Variants in DAB1 observed in about 807,000 individuals in gnomAD.
DAB1 encodes DAB adaptor protein 1, also known as disabled homolog 1.
DAB1 carries 15 observed loss-of-function variants against 64.6 expected under a neutral mutation model. The observed-to-expected ratio is 0.23, with a 90% CI of 0.16 to 0.36. The LOEUF is 0.36. Ranked by LOEUF, DAB1 falls within the 10% of genes least tolerant of loss-of-function variation. The pLI is 1.00. For synonymous variants in DAB1, 235 were observed against 251.9 expected (o/e 0.93, Z 0.64); for missense variants, 596 against 706.7 (o/e 0.84, Z 1.78).
chr1:57,179,282 C>T (rs1489362109), intron 2 of DAB1, among the ~76,000 whole-genome samples: 2 of 152,154 alleles, frequency 1.3e-5, no homozygotes, highest in African/African-American at 4.8e-5. Context: ...TCTGGCACAG[C>T]AGCGAGGTGA....
intron 1 of DAB1, among the ~76,000 whole-genome samples, chr1:57,357,091 T>C (rs769344010): frequency 2.6e-5 from 4 of 152,052 alleles, no homozygotes; most frequent in Non-Finnish European, 5.9e-5. Flanking sequence ...GTTCAACACA[T>C]GTTATATTTT....
chr1:58,447,429 A>G (rs192146438), intron 3 of DAB1, among the ~76,000 whole-genome samples: 33 of 152,230 alleles, frequency 2.2e-4, no homozygotes, highest in African/African-American at 7.7e-4. Context: ...GCTATGTACC[A>G]GTTTTTTTTC....
At chr1:57,355,355 C>T (rs1360063623) in intron 1 of DAB1, among the ~76,000 whole-genome samples, 1 of 151,702 alleles carries the variant, frequency 6.6e-6, no homozygotes, top group South Asian at 2.1e-4. Flanking sequence ...TTCCTTCCTT[C>T]CTTCCCTTCC....
intron 7 of DAB1, among the ~76,000 whole-genome samples, chr1:57,560,587 G>A (rs768028157): frequency 2.1e-4 from 32 of 152,228 alleles, no homozygotes; most frequent in Non-Finnish European, 3.5e-4. Context: ...TCATTTGGGT[G>A]TGTTACTCCA....
At chr1:57,196,106 T>C (rs1337130567) in intron 2 of DAB1, among the ~76,000 whole-genome samples, 1 of 152,176 alleles carries the variant, frequency 6.6e-6, no homozygotes, top group African/African-American at 2.4e-5. Flanking sequence ...AAGTGATGGA[T>C]GTTTTGTAAC....
chr1:57,220,702 A>G, intron 2 of DAB1, among the ~76,000 whole-genome samples: 1 of 152,220 alleles, frequency 6.6e-6, no homozygotes, highest in Admixed American at 6.5e-5. Context: ...CCACAATGAG[A>G]TACCATCTCA....
intron 6 of DAB1, among the ~76,000 whole-genome samples, chr1:57,764,472 T>G (rs1256741819): frequency 6.6e-6 from 1 of 152,186 alleles, no homozygotes; most frequent in Non-Finnish European, 1.5e-5. Flanking sequence ...TTTGAAACTA[T>G]ATATTTACTA....
At chr1:57,486,662 C>G (rs941683154) in intron 7 of DAB1, among the ~76,000 whole-genome samples, 1 of 152,040 alleles carries the variant, frequency 6.6e-6, no homozygotes, top group African/African-American at 2.4e-5. Context: ...TTACCCTCCC[C>G]CCGACTCTAT....
At chr1:58,508,899 C>CA (rs142677145) in intron 2 of DAB1, among the ~76,000 whole-genome samples, 17,648 of 152,050 alleles carry the variant, frequency 0.12, 1,217 homozygotes, top group African/African-American at 0.18. Context: ...GAGGGCTGTC[C>CA]AAGGGACTGG....
intron 2 of DAB1, among the ~76,000 whole-genome samples, chr1:57,157,670 C>T (rs1206272941): frequency 1.3e-5 from 2 of 152,096 alleles, no homozygotes; most frequent in African/African-American, 4.8e-5. Flanking sequence ...TTCATGATGT[C>T]ATCTAAAGCT....
chr1:57,437,266 T>A (rs1685732056), intron 7 of DAB1, among the ~76,000 whole-genome samples: 1 of 152,126 alleles, frequency 6.6e-6, no homozygotes, highest in South Asian at 2.1e-4. Flanking sequence ...TCTTCCCTTC[T>A]GTCCCAAAGG....
chr1:57,949,655 T>C (rs997884819), intron 5 of DAB1, among the ~76,000 whole-genome samples: 1 of 152,196 alleles, frequency 6.6e-6, no homozygotes, highest in African/African-American at 2.4e-5. Context: ...TCCTACTGTA[T>C]GTGGTCTTCT....
chr1:57,143,475 G>GTGA (rs1294810889), intron 3 of DAB1, among the ~76,000 whole-genome samples: 4 of 152,058 alleles, frequency 2.6e-5, no homozygotes, highest in African/African-American at 9.7e-5. Flanking sequence ...TTCTTCCAAG[G>GTGA]TGATTGTGAA....
intron 6 of DAB1, among the ~76,000 whole-genome samples, chr1:57,806,690 G>A (rs534481599): frequency 9.9e-5 from 15 of 152,184 alleles, no homozygotes; most frequent in South Asian, 8.3e-4. Flanking sequence ...CTTTTTGCTC[G>A]TTCTTCCATC....
chr1:58,074,950 G>A (rs1649548070), intron 5 of DAB1, among the ~76,000 whole-genome samples: 1 of 152,084 alleles, frequency 6.6e-6, no homozygotes, highest in Admixed American at 6.5e-5. Context: ...TGGCTTCAAA[G>A]TGCACCATGT....
intron 3 of DAB1, among the ~76,000 whole-genome samples, chr1:58,474,353 G>T (rs1359670662): frequency 1.3e-5 from 2 of 151,952 alleles, no homozygotes; most frequent in African/African-American, 4.8e-5. Context: ...TAAACTATAG[G>T]TTTGTGCAAA....
At chr1:58,389,997 A>C (rs56937662) in intron 3 of DAB1, among the ~76,000 whole-genome samples, 4,827 of 152,100 alleles carry the variant, frequency 0.032, 266 homozygotes, top group African/African-American at 0.11. Context: ...AATCCTACAT[A>C]GCTCCCTGGT....
At chr1:58,118,468 G>A (rs2806395) in intron 5 of DAB1, among the ~76,000 whole-genome samples, 3 of 73,076 alleles carry the variant, frequency 4.1e-5, no homozygotes, top group Admixed American at 4.0e-4. Context: ...CTATCCTAAG[G>A]CATATATATA....
At chr1:58,202,562 A>G (rs2100267463) in intron 4 of DAB1, among the ~76,000 whole-genome samples, 1 of 152,344 alleles carries the variant, frequency 6.6e-6, no homozygotes, top group Admixed American at 6.5e-5. Context: ...TTCCCCACCT[A>G]AAAAATAAGA....
Sources: allele counts gnomAD v4.1 joint callset (sites outside exome capture counted in the v4.1 genomes callset), GRCh38; gene constraint gnomAD v4.1.1; transcripts MANE v1.5; gene names NCBI Gene and HGNC (gene_info 2026-07-23, HGNC 2026-07-21).